The following HAX1 variants were observed in gnomAD, a reference collection of about 807,000 sequenced individuals.
HAX1 encodes the protein HCLS1 associated protein X-1.
A neutral mutation model predicts 31.1 loss-of-function variants in HAX1; 27 were observed. The observed-to-expected ratio is 0.87, with a 90% CI of 0.64 to 1.20. The LOEUF (loss-of-function observed/expected upper bound fraction) is 1.20. HAX1 is among the 50% of genes most tolerant of loss of function. The pLI, the probability that HAX1 is intolerant of heterozygous loss-of-function variation, is 0.00. For synonymous variants in HAX1, 114 were observed against 124.1 expected (o/e 0.92, Z 0.54); for missense variants, 357 against 361.6 (o/e 0.99, Z 0.10).
At chr1:154,275,364 C>A in intron 5 of HAX1, 29 bp from the exon 6 acceptor site, 1 of 1,600,050 alleles carries the variant, frequency 6.2e-7, no homozygotes, top group African/African-American at 1.3e-5. Context: ...TAGTAACATT[C>A]GGAATATGGT....
At chr1:154,274,730 A>G (rs182882322) in intron 3 of HAX1, among the ~76,000 whole-genome samples, 1 of 152,322 alleles carries the variant, frequency 6.6e-6, no homozygotes, top group East Asian at 1.9e-4. Context: ...TGGATAAGGC[A>G]GGATTGTGCA....
At chr1:154,272,956 A>G (rs758731404) in intron 1 of HAX1, 180 bp downstream of exon 1, 6 of 665,962 alleles carry the variant, frequency 9.0e-6, no homozygotes, top group Non-Finnish European at 1.6e-5. Context: ...AAGAGGAGAA[A>G]CAGCAAACTA....
Position 154,275,145 on chromosome 1 carries a change from C to A in HAX1, c.557-9C>A, listed in dbSNP as rs1684904587. On this transcript the variant is annotated splice_polypyrimidine_tract_variant and intron_variant, in intron 4 of 6. Coordinates refer to ENST00000328703, the MANE Select transcript of HAX1 (RefSeq NM_006118.4). Reference sequence around the variant, plus strand: ...TCTCTCCTGCTTCTTCATCTCTCTGCTCTTCCAGATCTTGATTCCCAGGTT... The same window carrying A: ...TCTCTCCTGCTTCTTCATCTCTCTGATCTTCCAGATCTTGATTCCCAGGTT... 1 of 1,577,522 alleles carries A rather than the reference C, an allele frequency of 6.3e-7. No homozygotes were observed. The highest frequency in any genetic ancestry group is 8.7e-7 in the Non-Finnish European group (1 of 1,146,472).
Position 154,273,166 on chromosome 1 carries a change from A to AC in HAX1, c.54-170_54-169insC, listed in dbSNP as rs200917883. On this transcript the variant is annotated intron_variant, in intron 1 of 6. Coordinates refer to ENST00000328703, the MANE Select transcript of HAX1 (RefSeq NM_006118.4). ...GACTTTGATTAAAAAAAAAAAAAAAAAAAAAGAACTGTCAGCCATTGTATT... is the reference window on the plus strand; with the variant it reads ...GACTTTGATTAAAAAAAAAAAAAAAACAAAAAGAACTGTCAGCCATTGTATT... The AC allele has an allele frequency of 6.4e-3, 4,385 of 687,768 alleles. 113 individuals are homozygous for AC. The African/African-American group carries it at 0.075, about 12-fold the overall frequency. 42.6% of individuals were successfully genotyped at this position (687,768 alleles called of 1,614,324 possible).
Position 154,272,648 on chromosome 1 carries a change from C to T in HAX1, c.-76C>T. The stretch of plus-strand genomic sequence containing the variant: ...TGGGCTGACGCCTCGCTCAATTTCT[C>T]ACAGGGCTGCGCAGGTTTCCCCCGT... On this transcript the variant is annotated 5_prime_UTR_variant, in exon 1 of 7. Transcript: ENST00000328703. 6.8e-7 allele frequency: 1 copy of T among 1,469,956 alleles called. No homozygotes were observed. Among genetic ancestry groups the T allele is most frequent in the Non-Finnish European group, 9.5e-7 (1 of 1,052,082 alleles). The allele number at this position is 1,469,956 out of a possible 1,614,324, so 91.1% of individuals were successfully genotyped here.
chr1:154,275,099 C>G, intron 4 of HAX1, 55 bp from the exon 5 acceptor site: 2 of 1,439,800 alleles, frequency 1.4e-6, no homozygotes, highest in Non-Finnish European at 2.0e-6. Context: ...ACACTTGTCT[C>G]CTTTTTTCCT....
chr1:154,274,039 G>T, intron 3 of HAX1, 78 bp downstream of exon 3: 1 of 1,334,370 alleles, frequency 7.5e-7, no homozygotes, highest in East Asian at 2.3e-5. Context: ...TAGGTGCGGT[G>T]GCTCACGCCT....
In HAX1 at chr1:154,273,387, GGAAGAA is replaced by G. The variant is rs753894148; in HGVS notation, c.116_121del (p.Glu39_Glu40del). 3.1e-6 allele frequency: 5 copies of G among 1,613,058 alleles called. No individual in the cohort carries two copies. Among genetic ancestry groups the G allele is most frequent in the Non-Finnish European group, 1.7e-6 (2 of 1,179,286 alleles). ...TGACTCGAGATGAAGATGATGATGA[GGAAGAA>G]GAAGAAGAAGGGGGCTCATGGGGCC... On this transcript the variant is annotated inframe_deletion, in exon 2 of 7. Coordinates refer to ENST00000328703, the MANE Select transcript of HAX1 (RefSeq NM_006118.4).
rs1279604812 is a variant in HAX1 at position 154,273,578 on chromosome 1, C to A, written c.296C>A (p.Thr99Asn). The A allele has an allele frequency of 6.2e-7, 1 of 1,614,138 alleles. No individual in the cohort carries two copies. The change falls in exon 2 of 7, where the codon ACC becomes AAC. Residue 99 changes from threonine (T) to asparagine (N), a missense_variant. Coordinates refer to ENST00000328703, the MANE Select transcript of HAX1 (RefSeq NM_006118.4). ...NSIFSDMGAW[T>N]LPSHPPELPG... ...ATCTTCAGCGATATGGGGGCCTGGACCTTGCCTTCCCATCCTCCTGGTGTG... is the reference window on the plus strand; with the variant it reads ...ATCTTCAGCGATATGGGGGCCTGGAACTTGCCTTCCCATCCTCCTGGTGTG...
In HAX1 at chr1:154,275,147, C is replaced by T; in HGVS notation, c.557-7C>T. ...TCTCCTGCTTCTTCATCTCTCTGCT[C>T]TTCCAGATCTTGATTCCCAGGTTTC... On this transcript the variant is annotated splice_polypyrimidine_tract_variant and splice_region_variant and intron_variant, in intron 4 of 6. Transcript: ENST00000328703. 2 of 1,584,836 alleles carry T rather than the reference C, an allele frequency of 1.3e-6. No individual in the cohort carries two copies. Among genetic ancestry groups the T allele is most frequent in the East Asian group, 2.2e-5 (1 of 44,706 alleles).
chr1:154,272,896 A>G (rs1348333238), intron 1 of HAX1, 120 bp downstream of exon 1: 4 of 866,136 alleles, frequency 4.6e-6, no homozygotes, highest in Non-Finnish European at 7.6e-6. Flanking sequence ...GAGAGGACAG[A>G]AGTCGCAACA....
In HAX1 at chr1:154,273,364, A is replaced by T; in HGVS notation, c.82A>T (p.Thr28Ser). Residue 28 changes from threonine (T) to serine (S), a missense_variant, in exon 2 of 7, where the codon ACT becomes TCT. By Grantham distance (58) the Thr-to-Ser change is moderately conservative. Transcript: ENST00000328703. ...CAGAGATCCCTTTTTTGGAGGGATG[A>T]CTCGAGATGAAGATGATGATGAGGA... is the stretch of plus-strand genomic sequence containing the variant. ...SHRDPFFGGM[T>S]RDEDDDEEEE... The T allele has an allele frequency of 6.2e-7, 1 of 1,613,478 alleles. No individual in the cohort carries two copies. Among genetic ancestry groups the T allele is most frequent in the Non-Finnish European group, 8.5e-7 (1 of 1,179,744 alleles).
Position 154,273,962 on chromosome 1 carries a change from G to A in HAX1, c.504+1G>A, listed in dbSNP as rs2149140065. The A allele has an allele frequency of 6.2e-7, 1 of 1,613,042 alleles. No individual in the cohort carries two copies. The highest frequency in any genetic ancestry group is 8.5e-7 in the Non-Finnish European group (1 of 1,179,044). ...GGGCTCCCAGAGGCCATTTCATAGG[G>A]TGAGTATCCCATCTGGTCCTGAAGT... On this transcript the variant is annotated splice_donor_variant, in intron 3 of 6. Coordinates refer to ENST00000328703, the MANE Select transcript of HAX1 (RefSeq NM_006118.4). LOFTEE classifies it high-confidence loss of function.
rs1280085832 is a variant in HAX1 at position 154,272,696 on chromosome 1, G to A, written c.-28G>A. On this transcript the variant is annotated 5_prime_UTR_variant, in exon 1 of 7. Coordinates refer to ENST00000328703, the MANE Select transcript of HAX1 (RefSeq NM_006118.4). Reference sequence around the variant, plus strand: ...CGTCTGCGAATGGACCACTGGAGGGGTTCAAAGGTTCGCGTCCCAGTACGG... The same window carrying A: ...CGTCTGCGAATGGACCACTGGAGGGATTCAAAGGTTCGCGTCCCAGTACGG... 6.8e-6 allele frequency: 11 copies of A among 1,613,636 alleles called. No individual in the cohort carries two copies. Among genetic ancestry groups the A allele is most frequent in the African/African-American group, 1.3e-5 (1 of 75,048 alleles).
At chr1:154,274,046 G>A (rs1055794562) in intron 3 of HAX1, 85 bp downstream of exon 3, 14 of 1,265,442 alleles carry the variant, frequency 1.1e-5, no homozygotes, top group Admixed American at 6.9e-5. Flanking sequence ...GGTGGCTCAC[G>A]CCTGTAATCC....
chr1:154,274,860 G>T, intron 3 of HAX1, 90 bp from the exon 4 acceptor site: 3 of 873,142 alleles, frequency 3.4e-6, no homozygotes, highest in Non-Finnish European at 1.9e-6. Context: ...GTGGAAGGGG[G>T]TTTTGGAGCT....
Position 154,275,804 on chromosome 1 carries a change from G to A in HAX1, c.*103G>A, listed in dbSNP as rs1684921466. ...TGCCACCTCAGGGGCTTGGATATGT[G>A]GAATAGTGAACTGGGGCCATGTCAG... On this transcript the variant is annotated 3_prime_UTR_variant, in exon 7 of 7. Coordinates refer to ENST00000328703, the MANE Select transcript of HAX1 (RefSeq NM_006118.4). 2 of 783,282 alleles carry A rather than the reference G, an allele frequency of 2.6e-6. No individual in the cohort carries two copies. The highest frequency in any genetic ancestry group is 4.0e-5 in the Admixed American group (2 of 50,518). 48.5% of individuals were successfully genotyped at this position (783,282 alleles called of 1,614,324 possible).
rs1684873497 is a variant in HAX1 at position 154,273,763 on chromosome 1, C to G, written c.317-11C>G. On this transcript the variant is annotated splice_polypyrimidine_tract_variant and intron_variant, in intron 2 of 6. Transcript: ENST00000328703. ...TTCCCATCCCAGCAAACACCTGCCA[C>G]CTTTCTGCAGAACTTCCAGGTCCTG... 6.2e-7 allele frequency: 1 copy of G among 1,614,034 alleles called. No individual in the cohort carries two copies. The highest frequency in any genetic ancestry group is 1.1e-5 in the South Asian group (1 of 91,086).
At chr1:154,273,999 A>G in intron 3 of HAX1, 38 bp downstream of exon 3, 1 of 1,563,854 alleles carries the variant, frequency 6.4e-7, no homozygotes, top group Non-Finnish European at 8.8e-7. Context: ...AGAGCTTGTG[A>G]GAGACCACTA....
Sources: allele counts gnomAD v4.1 joint callset (sites outside exome capture counted in the v4.1 genomes callset), GRCh38; gene constraint gnomAD v4.1.1; transcripts MANE v1.5; gene names NCBI Gene and HGNC (gene_info 2026-07-23, HGNC 2026-07-21).